MAP3K9: variants seen among roughly 807,000 people sequenced by gnomAD.
MAP3K9 encodes the protein mitogen-activated protein kinase kinase kinase 9.
In MAP3K9, 46 loss-of-function variants were observed where a neutral mutation model predicts 95.8. The ratio of observed to expected loss-of-function variants is 0.48; its 90% CI spans 0.38 to 0.61. MAP3K9 has a LOEUF of 0.61. MAP3K9 is among the 20% of genes least tolerant of loss of function. MAP3K9 has a pLI of 0.00. For missense variants in MAP3K9, 1,296 were observed against 1,474.3 expected, an observed-to-expected ratio of 0.88 and a Z score of 1.98; for synonymous variants, 533 against 593.8, an observed-to-expected ratio of 0.90 and a Z score of 1.49.
intron 2 of MAP3K9, among the ~76,000 whole-genome samples, chr14:70,763,221 A>T (rs749028753): frequency 5.9e-5 from 9 of 152,222 alleles, no homozygotes; most frequent in Admixed American, 2.6e-4. Context: ...GCATTGTGTA[A>T]ACCTCACCTC....
intron 3 of MAP3K9, among the ~76,000 whole-genome samples, chr14:70,751,738 A>G (rs1032887662): frequency 1.3e-5 from 2 of 152,204 alleles, no homozygotes; most frequent in African/African-American, 4.8e-5. Flanking sequence ...AATAATAATA[A>G]TAAACCCAGT....
intron 8 of MAP3K9, among the ~76,000 whole-genome samples, chr14:70,736,699 G>A (rs1004870802): frequency 6.6e-6 from 1 of 152,216 alleles, no homozygotes; most frequent in Admixed American, 6.5e-5. Context: ...CTCAGACCCA[G>A]CTCAACCCTA....
intron 3 of MAP3K9, among the ~76,000 whole-genome samples, chr14:70,754,623 C>T (rs1308505459): frequency 6.6e-6 from 1 of 152,106 alleles, no homozygotes; most frequent in Non-Finnish European, 1.5e-5. Flanking sequence ...AGGCACCCAG[C>T]ACCATGCCCG....
intron 1 of MAP3K9, among the ~76,000 whole-genome samples, chr14:70,804,730 G>C (rs916998508): frequency 6.6e-6 from 1 of 152,164 alleles, no homozygotes; most frequent in Non-Finnish European, 1.5e-5. Flanking sequence ...TTCAGTACTA[G>C]GGTGCTGAAA....
At chr14:70,779,252 G>C (rs1356681714) in intron 2 of MAP3K9, among the ~76,000 whole-genome samples, 1 of 152,222 alleles carries the variant, frequency 6.6e-6, no homozygotes, top group Non-Finnish European at 1.5e-5. Flanking sequence ...TAGTTTTTAA[G>C]CAGAAAAGTG....
chr14:70,802,048 C>A lies in MAP3K9; in HGVS notation c.407-968G>T, dbSNP rs1594815583. 5.3e-5 allele frequency among the ~76,000 whole-genome samples: 8 copies of A among 152,262 alleles called. No homozygotes were observed. In the South Asian group the frequency reaches 1.5e-3, roughly 28 times the overall value. On this transcript the variant is annotated intron_variant, in intron 1 of 11. Transcript: ENST00000554752. Reference sequence around the variant, plus strand: ...ATTGTAAACAAGAGGAGTCATGTATCTTTCAGAAAAGGAATGTTGTTAGAC... The same window carrying A: ...ATTGTAAACAAGAGGAGTCATGTATATTTCAGAAAAGGAATGTTGTTAGAC...
chr14:70,773,678 C>T (rs1486101603), intron 2 of MAP3K9, among the ~76,000 whole-genome samples: 2 of 152,194 alleles, frequency 1.3e-5, no homozygotes, highest in African/African-American at 4.8e-5. Flanking sequence ...CCTTTATACA[C>T]TGTGCTATCT....
chr14:70,785,965 T>C (rs961387675), intron 2 of MAP3K9, among the ~76,000 whole-genome samples: 4 of 152,206 alleles, frequency 2.6e-5, no homozygotes, highest in African/African-American at 9.7e-5. Context: ...GGGACTACCA[T>C]ACTCTTTCTA....
chr14:70,760,964 G>A, intron 3 of MAP3K9, 38 bp downstream of exon 3: 1 of 1,601,194 alleles, frequency 6.2e-7, no homozygotes, highest in African/African-American at 1.3e-5. Flanking sequence ...CACCAAGATG[G>A]ACCTAGGAAA....
chr14:70,786,065 T>C (rs950811382), intron 2 of MAP3K9, among the ~76,000 whole-genome samples: 5 of 152,146 alleles, frequency 3.3e-5, no homozygotes, highest in African/African-American at 1.2e-4. Context: ...TATCAGATAA[T>C]ATCAGGTTAC....
rs1412949029 is a variant in MAP3K9, at chr14:70,730,106, T to C, written c.*274A>G. On this transcript the variant is annotated 3_prime_UTR_variant, in exon 12 of 12. Transcript: ENST00000554752. ...GGGTCACTCTAAAGGCAAGGAAGACTGTGGAGGGTGGGGGACATGCATGCA... is the reference window on the plus strand; with the variant it reads ...GGGTCACTCTAAAGGCAAGGAAGACCGTGGAGGGTGGGGGACATGCATGCA... 2.2e-6 allele frequency: 1 copy of C among 450,696 alleles called. No individual in the cohort carries two copies. Among genetic ancestry groups the C allele is most frequent in the Admixed American group, 3.7e-5 (1 of 26,840 alleles). The allele number at this position is 450,696 out of a possible 1,614,324, so 27.9% of individuals were successfully genotyped here. A position where few individuals can be genotyped will look rare whatever the true frequency, so the allele number is the denominator to read the frequency against.
intron 3 of MAP3K9, among the ~76,000 whole-genome samples, chr14:70,754,597 G>A (rs796772152): frequency 3.3e-5 from 5 of 151,940 alleles, no homozygotes; most frequent in African/African-American, 1.2e-4. Flanking sequence ...TCAGCCTCAG[G>A]AGTAGCTGGG....
rs200642770 is a variant in MAP3K9, at chr14:70,738,240, C to T, written c.1844+5G>A. The stretch of plus-strand genomic sequence containing the variant: ...AGAAAGAATTTCATGTCATCTGGCA[C>T]TTACCCTTCATCTCCCGAGGCAAGC... On this transcript the variant is annotated splice_donor_5th_base_variant and intron_variant, in intron 8 of 11. Coordinates refer to ENST00000554752, the MANE Select transcript of MAP3K9 (RefSeq NM_001284230.2). 2.5e-6 allele frequency: 4 copies of T among 1,605,632 alleles called. No individual in the cohort carries two copies. Among genetic ancestry groups the T allele is most frequent in the Non-Finnish European group, 3.4e-6 (4 of 1,175,950 alleles).
chr14:70,735,916 G>A (rs1344646713), intron 9 of MAP3K9, 45 bp downstream of exon 9: 2 of 1,371,720 alleles, frequency 1.5e-6, no homozygotes, highest in Non-Finnish European at 2.1e-6. Flanking sequence ...ATGGAAGGGA[G>A]ATTGTTACCA....
intron 2 of MAP3K9, among the ~76,000 whole-genome samples, chr14:70,774,781 T>A (rs1406164964): frequency 6.6e-6 from 1 of 151,776 alleles, no homozygotes; most frequent in Non-Finnish European, 1.5e-5. Context: ...GGTCAAGAGA[T>A]CAAGACCATC....
At chr14:70,757,297 C>T (rs1033711683) in intron 3 of MAP3K9, among the ~76,000 whole-genome samples, 5 of 151,878 alleles carry the variant, frequency 3.3e-5, no homozygotes, top group African/African-American at 7.3e-5. Flanking sequence ...CATGGTGAAA[C>T]CCTGTCTCTA....
At chr14:70,804,221 G>C (rs181114078) in intron 1 of MAP3K9, among the ~76,000 whole-genome samples, 4 of 152,286 alleles carry the variant, frequency 2.6e-5, no homozygotes, top group Admixed American at 2.6e-4. Flanking sequence ...AGGTCCAGCT[G>C]AGAGCCTCTT....
intron 3 of MAP3K9, among the ~76,000 whole-genome samples, chr14:70,760,297 A>T (rs2054355514): frequency 6.6e-6 from 1 of 152,068 alleles, no homozygotes; most frequent in South Asian, 2.1e-4. Flanking sequence ...GACAACATAT[A>T]CTAGGTAGTT....
Position 70,757,456 on chromosome 14 carries a change from G to GA in MAP3K9, c.1001+3545dup, listed in dbSNP as rs35189989. On this transcript the variant is annotated intron_variant, in intron 3 of 11. Transcript: ENST00000554752. ...AGCTCAAGCAATTGAGACCCTGTCC[G>GA]AAAAAAAAAAAAAAAAAGGGTGTAA... 4.4e-3 allele frequency among the ~76,000 whole-genome samples: 502 copies of GA among 113,972 alleles called. 6 individuals are homozygous for GA. Among genetic ancestry groups the GA allele is most frequent in the African/African-American group, 0.013 (384 of 30,232 alleles). The allele number at this position is 113,972 out of a possible 152,430, so 74.8% of individuals were successfully genotyped here.
Sources: gnomAD v4.1 joint callset for allele counts (sites outside exome capture counted in the v4.1 genomes callset) on GRCh38, gnomAD v4.1.1 for gene constraint, MANE v1.5 for transcripts, NCBI Gene and HGNC (gene_info 2026-07-23, HGNC 2026-07-21) for gene names.